Variants in BCOR observed in about 807,000 individuals in gnomAD.
BCOR encodes BCL-6 corepressor.
A neutral mutation model predicts 86.7 loss-of-function variants in BCOR; 10 were observed. That is an observed-to-expected ratio of 0.12 (90% CI 0.07 to 0.20). BCOR has a LOEUF of 0.20. Among genes scored for constraint, BCOR ranks in the 10% least tolerant of loss-of-function variants. BCOR has a pLI of 1.00. For synonymous variants in BCOR, 611 were observed against 609.0 expected (o/e 1.00, Z -0.05); for missense variants, 1,259 against 1,452.1 (o/e 0.87, Z 2.16).
chrX:40,127,861 AAAATAAATAAAT>A (rs56092715), intron 1 of BCOR, among the ~76,000 whole-genome samples: 2,585 of 85,890 alleles, frequency 0.03, 86 homozygotes, highest in African/African-American at 0.1. Flanking sequence ...ACCTTGTCTC[AAAATAAATAAAT>A]AAATAAATAA....
rs1246577138 is a variant in BCOR at position 40,051,817 on chromosome X, T to C, written c.*292A>G. 8.3e-6 allele frequency: 2 copies of C among 240,658 alleles called. No homozygotes were observed. Among genetic ancestry groups the C allele is most frequent in the Non-Finnish European group, 1.5e-5 (2 of 135,651 alleles). 19.8% of individuals were successfully genotyped at this position (240,658 alleles called of 1,213,427 possible). A position where few individuals can be genotyped will look rare whatever the true frequency, so the allele number is the denominator to read the frequency against. On this transcript the variant is annotated 3_prime_UTR_variant, in exon 15 of 15. Coordinates refer to ENST00000378444, the MANE Select transcript of BCOR (RefSeq NM_001123385.2). ...GGAGCTCCTTTTACTCATTTTTTTT[T>C]CTCCTTAAAAAAGAAAAGAAACAAA...
At chrX:40,166,736 A>C (rs1938513929) in intron 1 of BCOR, among the ~76,000 whole-genome samples, 1 of 111,907 alleles carries the variant, frequency 8.9e-6, no homozygotes, top group Admixed American at 9.4e-5. Flanking sequence ...AAAGGCGCTT[A>C]AGTGCATCTG....
Position 40,063,602 on chromosome X carries a change from G to A in BCOR, c.3847+6C>T, listed in dbSNP as rs1935019046. ...GGTGAACACTCAAGGGGTGGCCCCC[G>A]CATACCTTGTTCATTGTCACTGGGT... On this transcript the variant is annotated splice_donor_region_variant and intron_variant, in intron 8 of 14. Transcript: ENST00000378444. 8 of 1,201,193 alleles carry A rather than the reference G, an allele frequency of 6.7e-6. No individual in the cohort carries two copies. The highest frequency in any genetic ancestry group is 6.5e-5 in the Admixed American group (3 of 45,903).
chrX:40,170,049 G>A (rs1178051924), intron 1 of BCOR, among the ~76,000 whole-genome samples: 1 of 112,648 alleles, frequency 8.9e-6, no homozygotes, highest in African/African-American at 3.2e-5. Flanking sequence ...CCATCTGCGA[G>A]GAAGGAGGTC....
At chrX:40,068,193 C>T (rs970892862) in intron 6 of BCOR, 1 of 112,021 alleles carries the variant, frequency 8.9e-6, no homozygotes, top group Non-Finnish European at 1.9e-5. Context: ...TACAAGTCAC[C>T]GTGGCAACAA....
intron 1 of BCOR, among the ~76,000 whole-genome samples, chrX:40,175,459 CAA>C (rs1938725132): frequency 8.8e-6 from 1 of 113,311 alleles, no homozygotes; most frequent in Non-Finnish European, 1.9e-5. Context: ...AAAAATATCG[CAA>C]CTTTTCCAAC....
chrX:40,100,879 C>T (rs748580045), upstream of BCOR, among the ~76,000 whole-genome samples: 91 of 109,849 alleles, frequency 8.3e-4, 1 homozygote, highest in Middle Eastern at 4.6e-3. Flanking sequence ...CATCCTCCCC[C>T]ACCTTTTCTA....
intron 1 of BCOR, among the ~76,000 whole-genome samples, chrX:40,090,421 C>A (rs1351396083): frequency 1.8e-5 from 2 of 113,000 alleles, no homozygotes; most frequent in Non-Finnish European, 3.8e-5. Context: ...GGCAGGGTTT[C>A]CAGTCCTCCC....
intron 1 of BCOR, among the ~76,000 whole-genome samples, chrX:40,170,691 C>T (rs1938602656): frequency 8.9e-6 from 1 of 112,068 alleles, no homozygotes; most frequent in African/African-American, 3.3e-5. Context: ...TCCCTTTCTT[C>T]CCCATTAACC....
At chrX:40,117,275 C>T (rs1013371525) in intron 1 of BCOR, among the ~76,000 whole-genome samples, 2 of 111,371 alleles carry the variant, frequency 1.8e-5, no homozygotes, top group African/African-American at 3.3e-5. Context: ...GGTGTCAGAT[C>T]GCACTGGGCC....
At chrX:40,069,643 C>T (rs1483609750) in intron 6 of BCOR, among the ~76,000 whole-genome samples, 1 of 112,551 alleles carries the variant, frequency 8.9e-6, no homozygotes, top group African/African-American at 3.2e-5. Flanking sequence ...CCCATCAACT[C>T]GGCCTTGCCC....
Position 40,074,832 on chromosome X carries a change from C to A in BCOR, c.514G>T (p.Ala172Ser), listed in dbSNP as rs776199630. The change falls in exon 4 of 15, where the codon GCC becomes TCC. Residue 172 changes from alanine to serine, a missense_variant. Physicochemically the swap from Ala to Ser is moderately conservative, Grantham distance 99. This residue lies in a region of BCOR where 174 missense variants were observed against 189.3 expected (regional missense o/e 0.92). Coordinates refer to ENST00000378444, the MANE Select transcript of BCOR (RefSeq NM_001123385.2). ...TTGAGAGGGCTCTGTTTGTCGCTGG[C>A]AGGCCTGTCCAAGCCCAGCGCTTCT... ...TAEALGLDRP[A>S]SDKQSPLNIN... is the part of the protein sequence containing the mutation. 6 of 1,211,817 alleles carry A rather than the reference C, an allele frequency of 5.0e-6. No individual in the cohort carries two copies. Among genetic ancestry groups the A allele is most frequent in the Non-Finnish European group, 5.6e-6 (5 of 895,522 alleles).
chrX:40,143,106 G>A (rs1937958438), intron 1 of BCOR, among the ~76,000 whole-genome samples: 2 of 112,176 alleles, frequency 1.8e-5, no homozygotes, highest in Non-Finnish European at 3.8e-5. Flanking sequence ...CGCCTTAGGC[G>A]CCAAGTGATG....
intron 1 of BCOR, among the ~76,000 whole-genome samples, chrX:40,107,262 G>A (rs1490436826): frequency 2.7e-5 from 3 of 111,826 alleles, no homozygotes; most frequent in Non-Finnish European, 3.8e-5. Context: ...AGCCCTGGAG[G>A]CTGGATCGTA....
At chrX:40,076,660 C>T in intron 2 of BCOR, 128 bp from the exon 3 acceptor site, 1 of 498,394 alleles carries the variant, frequency 2.0e-6, no homozygotes, top group Non-Finnish European at 3.6e-6. Flanking sequence ...TCCGCCCCCA[C>T]CAGCTGTCAA....
intron 1 of BCOR, among the ~76,000 whole-genome samples, chrX:40,113,634 A>G (rs1937347463): frequency 9.0e-6 from 1 of 110,611 alleles, no homozygotes; most frequent in Non-Finnish European, 1.9e-5. Flanking sequence ...GGTACAGTGT[A>G]TCATCACCAG....
At chrX:40,071,881 C>G (rs1935491151) in intron 4 of BCOR, 191 bp from the exon 5 acceptor site, 1 of 423,236 alleles carries the variant, frequency 2.4e-6, no homozygotes, top group Non-Finnish European at 4.1e-6. Context: ...AATACATACT[C>G]TATCCCTTTA....
At chrX:40,076,184 C>T (rs745827264) in intron 3 of BCOR, among the ~76,000 whole-genome samples, 6 of 111,804 alleles carry the variant, frequency 5.4e-5, no homozygotes, top group South Asian at 3.8e-4. Context: ...CAGCTGGGAG[C>T]GCTGATGTGG....
intron 8 of BCOR, 122 bp from the exon 9 acceptor site, chrX:40,063,193 C>A: frequency 2.0e-6 from 1 of 502,940 alleles, no homozygotes; most frequent in Non-Finnish European, 3.2e-6. Context: ...ACTGGAGCGG[C>A]TTCAGTTTTT....
Sources: gnomAD v4.1 joint callset for allele counts (sites outside exome capture counted in the v4.1 genomes callset) on GRCh38, gnomAD v4.1.1 for gene constraint, gnomAD v4.1.1 regional missense constraint, MANE v1.5 for transcripts, NCBI Gene and HGNC (gene_info 2026-07-23, HGNC 2026-07-21) for gene names.